SCAF11: variants seen among roughly 807,000 people sequenced by gnomAD.
SCAF11 encodes SR-related CTD associated factor 11.
A neutral mutation model predicts 140.5 loss-of-function variants in SCAF11; 47 were observed. The observed-to-expected ratio is 0.33, with a 90% CI of 0.26 to 0.43. SCAF11 has a LOEUF of 0.43. Ranked by LOEUF, SCAF11 falls within the 20% of genes least tolerant of loss-of-function variation. The pLI is 1.00. For synonymous variants in SCAF11, 557 were observed against 579.4 expected (o/e 0.96, Z 0.55); for missense variants, 1,645 against 1,705.1 (o/e 0.96, Z 0.62).
chr12:45,985,529 T>A (rs1230482602), intron 1 of SCAF11, among the ~76,000 whole-genome samples: 1 of 152,188 alleles, frequency 6.6e-6, no homozygotes, highest in Non-Finnish European at 1.5e-5. Context: ...TGGACCCAGC[T>A]ATAGATACTT....
intron 3 of SCAF11, among the ~76,000 whole-genome samples, chr12:45,960,012 GGT>G (rs1470766075): frequency 9.9e-5 from 15 of 152,270 alleles, no homozygotes; most frequent in African/African-American, 3.4e-4. Context: ...ATGCGGGAAA[GGT>G]GTTGGCTGCC....
chr12:45,991,170 C>G (rs149249601), upstream of SCAF11, among the ~76,000 whole-genome samples: 252 of 152,334 alleles, frequency 1.7e-3, no homozygotes, highest in African/African-American at 5.7e-3. Context: ...CCCACCTTTC[C>G]TCCTTTCTGG....
At position 45,927,996 on chromosome 12, in the gene SCAF11, T is replaced by C. The variant is rs1268749763; in HGVS notation, c.1705A>G (p.Ser569Gly). ...GACTCTACATTCTCAGATAAGTCAC[T>C]TAGGGGACAAGATACAGGTTGGTAC... Reference protein sequence around the residue: ...KVYQPVSCPLSDLSENVESVV... With the variant: ...KVYQPVSCPLGDLSENVESVV... The change falls in exon 11 of 15, where the codon AGT (serine) becomes GGT (glycine). Residue 569 changes from serine to glycine, a missense_variant. Ser to Gly is a moderately conservative substitution (Grantham distance 56). Around this residue, in one of 2 missense-constraint regions of SCAF11, gnomAD observed 1,582 missense variants for 1,609.2 expected, o/e 0.98. Coordinates refer to ENST00000369367, the MANE Select transcript of SCAF11 (RefSeq NM_004719.3). 6.2e-7 allele frequency: 1 copy of C among 1,613,032 alleles called. No individual in the cohort carries two copies. Among genetic ancestry groups the C allele is most frequent in the East Asian group, 2.2e-5 (1 of 44,868 alleles).
At position 45,975,607 on chromosome 12, in the gene SCAF11, A is replaced by G. The variant is rs1946215905; in HGVS notation, c.-21-11419T>C. 1.8e-5 allele frequency: 3 copies of G among 169,648 alleles called. No individual in the cohort carries two copies. In the South Asian group the frequency reaches 5.2e-4, roughly 30 times the overall value. The allele number at this position is 169,648 out of a possible 1,614,324, so 10.5% of individuals were successfully genotyped here. On this transcript the variant is annotated intron_variant, in intron 1 of 14. Coordinates refer to ENST00000369367, the MANE Select transcript of SCAF11 (RefSeq NM_004719.3). ...TCCCTCTCAGACTTCACTGGCTTGA[A>G]GAGCGTTAGAGACGCGCTCTGGATT...
intron 13 of SCAF11, 129 bp downstream of exon 13, chr12:45,922,807 C>T (rs1055577343): frequency 5.5e-6 from 5 of 901,698 alleles, no homozygotes; most frequent in Non-Finnish European, 8.6e-6. Context: ...AGAGAGAATC[C>T]TTCAAATAAT....
chr12:45,930,554 CACA>C (rs1001427905), intron 10 of SCAF11, among the ~76,000 whole-genome samples: 3 of 148,096 alleles, frequency 2.0e-5, no homozygotes, highest in African/African-American at 7.5e-5. Flanking sequence ...CCCAGACATT[CACA>C]ACACTTGAGT....
intron 1 of SCAF11, among the ~76,000 whole-genome samples, chr12:45,970,407 C>T (rs565918559): frequency 1.3e-5 from 2 of 152,166 alleles, no homozygotes; most frequent in African/African-American, 2.4e-5. Flanking sequence ...TAAATGGCCA[C>T]GAGGAAATAT....
intron 6 of SCAF11, 161 bp downstream of exon 6, chr12:45,945,088 T>G: frequency 6.7e-6 from 4 of 595,620 alleles, no homozygotes; most frequent in Non-Finnish European, 1.2e-5. Flanking sequence ...ACAGTATAAA[T>G]TGCTCCATGA....
At chr12:45,939,410 G>A (rs1945243435) in intron 6 of SCAF11, among the ~76,000 whole-genome samples, 1 of 152,128 alleles carries the variant, frequency 6.6e-6, no homozygotes, top group Non-Finnish European at 1.5e-5. Context: ...AATTAAAGAA[G>A]TTTGGCCAGG....
In SCAF11 at chr12:45,922,053, C is replaced by T. The variant is rs1230390506; in HGVS notation, c.4387G>A (p.Gly1463Ser). ...EEPVSTEKNIG is the reference protein window; with the variant it reads ...EEPVSTEKNIS ...CCTTGACAGCGTTCCCCATTTCAGC[C>T]TATGTTTTTTTCAGTAGACACAGGT... The change falls in exon 15 of 15, where the codon GGC becomes AGC. Residue 1463 changes from glycine (G) to serine (S), a missense_variant. Physicochemically the swap from Gly to Ser is moderately conservative, Grantham distance 56. Around this residue, in one of 2 missense-constraint regions of SCAF11, gnomAD observed 63 missense variants for 95.9 expected, o/e 0.66. Coordinates refer to ENST00000369367, the MANE Select transcript of SCAF11 (RefSeq NM_004719.3). 8.1e-6 allele frequency: 13 copies of T among 1,609,354 alleles called. No homozygotes were observed. In the Admixed American group the frequency reaches 1.9e-4, roughly 23 times the overall value.
At chr12:45,989,783 G>A (rs2136681614) in intron 1 of SCAF11, among the ~76,000 whole-genome samples, 1 of 152,302 alleles carries the variant, frequency 6.6e-6, no homozygotes, top group Non-Finnish European at 1.5e-5. Context: ...TAGAAGCGCC[G>A]GCTCTTCCCC....
At chr12:45,944,704 T>G (rs1426042090) in intron 6 of SCAF11, among the ~76,000 whole-genome samples, 1 of 152,188 alleles carries the variant, frequency 6.6e-6, no homozygotes, top group Admixed American at 6.5e-5. Context: ...AAAGCCTTCC[T>G]GTGTATTAGA....
chr12:45,986,037 C>T (rs1946452632), intron 1 of SCAF11, among the ~76,000 whole-genome samples: 1 of 152,166 alleles, frequency 6.6e-6, no homozygotes, highest in Non-Finnish European at 1.5e-5. Flanking sequence ...TCACATTCTT[C>T]CAGCAAAGTT....
chr12:45,948,484 T>C lies in SCAF11; in HGVS notation c.351A>G (p.Ser117=), dbSNP rs1381649792. Residue 117 remains serine, a synonymous_variant, in exon 5 of 15, where the codon TCA becomes TCG. Coordinates refer to ENST00000369367, the MANE Select transcript of SCAF11 (RefSeq NM_004719.3). The part of the protein sequence containing the change: ...RETKDKKNEN[S]FEKQVSCHEN... ...CATGACAGGAGACCTGTTTCTCAAA[T>C]GAGTTTTCATTTTTCTTGTCTTTTG... 4 of 1,612,186 alleles carry C rather than the reference T, an allele frequency of 2.5e-6. No homozygotes were observed. The East Asian group carries it at 8.9e-5, about 36-fold the overall frequency.
At chr12:45,959,759 G>C (rs1316959672) in intron 3 of SCAF11, among the ~76,000 whole-genome samples, 1 of 152,106 alleles carries the variant, frequency 6.6e-6, no homozygotes, top group Non-Finnish European at 1.5e-5. Context: ...TTTATAATAA[G>C]CAATTTATTA....
chr12:45,990,317 C>G (rs1425741066), intron 1 of SCAF11, 36 bp downstream of exon 1: 3 of 1,231,694 alleles, frequency 2.4e-6, no homozygotes, highest in Non-Finnish European at 3.0e-6. Context: ...GACAGCTGCC[C>G]AAGCCCATCC....
intron 1 of SCAF11, among the ~76,000 whole-genome samples, chr12:45,983,150 C>T (rs528404494): frequency 1.2e-3 from 183 of 152,294 alleles, no homozygotes; most frequent in African/African-American, 4.2e-3. Flanking sequence ...AAGTCTATCT[C>T]TCTCCCATTT....
intron 8 of SCAF11, among the ~76,000 whole-genome samples, chr12:45,933,747 C>T (rs544184226): frequency 3.9e-5 from 6 of 152,158 alleles, no homozygotes; most frequent in African/African-American, 7.2e-5. Context: ...ACTAACTGTA[C>T]GTGATTTTAA....
rs147327182 is a variant in SCAF11 at position 45,976,972 on chromosome 12, T to C, written c.-21-12784A>G. ...ATGATGTAGATAGCCTGAATAGCCT[T>C]AGGACTATTTGAAGAAATTGAATTT... is the stretch of plus-strand genomic sequence containing the variant. On this transcript the variant is annotated intron_variant, in intron 1 of 14. Transcript: ENST00000369367. Among the ~76,000 whole-genome samples, 354 of 152,200 alleles carry C rather than the reference T, an allele frequency of 2.3e-3. 1 individual carries two copies. Among genetic ancestry groups the C allele is most frequent in the Non-Finnish European group, 4.1e-3 (276 of 67,980 alleles).
Sources: gnomAD v4.1 joint callset for allele counts (sites outside exome capture counted in the v4.1 genomes callset) on GRCh38, gnomAD v4.1.1 for gene constraint, gnomAD v4.1.1 regional missense constraint, MANE v1.5 for transcripts, NCBI Gene and HGNC (gene_info 2026-07-23, HGNC 2026-07-21) for gene names.